The following ANKRD36 variants were observed in gnomAD, a reference collection of about 807,000 sequenced individuals.
The protein encoded by ANKRD36 is ankyrin repeat domain 36, also known as ankyrin repeat domain-containing protein 36A.
ANKRD36 carries 179 observed loss-of-function variants against 278.1 expected under a neutral mutation model. The observed-to-expected ratio is 0.64, with a 90% CI of 0.57 to 0.73. The LOEUF is 0.73. Among genes scored for constraint, ANKRD36 ranks in the 30% least tolerant of loss-of-function variants. The pLI, the probability that ANKRD36 is intolerant of heterozygous loss-of-function variation, is 0.00. For synonymous variants in ANKRD36, 320 were observed against 641.1 expected (o/e 0.50, Z 7.57); for missense variants, 1,159 against 1,956.7 (o/e 0.59, Z 7.69).
At chr2:97,156,463 A>T (rs2047470569) in intron 15 of ANKRD36, among the ~76,000 whole-genome samples, 3 of 130,942 alleles carry the variant, frequency 2.3e-5, no homozygotes. Context: ...GAGTGAGAAT[A>T]TGCGGTGTTT....
chr2:97,192,827 T>G, intron 36 of ANKRD36, 31 bp from the exon 37 acceptor site: 1 of 1,593,090 alleles, frequency 6.3e-7, no homozygotes, highest in Non-Finnish European at 8.6e-7. Flanking sequence ...TAGTTACATA[T>G]GAGTGATTAT....
In ANKRD36 at chr2:97,189,995, GACTTT is replaced by G. The variant is rs1201967406; in HGVS notation, c.2245+710_2245+714del. ...AGGCATCAGAGATACATGTTTTGTT[GACTTT>G]ACTTATAAAAATGAGATAAAGTTGA... On this transcript the variant is annotated intron_variant, in intron 34 of 75. Coordinates refer to ENST00000420699, the MANE Select transcript of ANKRD36 (RefSeq NM_001354587.1). 3.6e-5 allele frequency among the ~76,000 whole-genome samples: 3 copies of G among 83,900 alleles called. 1 individual carries two copies. The highest frequency in any genetic ancestry group is 2.3e-4 in the East Asian group (1 of 4,328). The allele number at this position is 83,900 out of a possible 152,430, so 55.0% of individuals were successfully genotyped here.
At chr2:97,206,761 G>A (rs1349915878) in intron 52 of ANKRD36, among the ~76,000 whole-genome samples, 1 of 151,374 alleles carries the variant, frequency 6.6e-6, no homozygotes, top group Non-Finnish European at 1.5e-5. Flanking sequence ...TCCTAGAATT[G>A]GCATAAAAAC....
intron 69 of ANKRD36, among the ~76,000 whole-genome samples, chr2:97,242,801 GAAGAA>G (rs1243433227): frequency 8.8e-6 from 1 of 113,626 alleles, no homozygotes; most frequent in African/African-American, 3.3e-5. Context: ...TAATTACTGT[GAAGAA>G]AAGATAATTT....
chr2:97,128,023 A>G (rs1482739272), intron 6 of ANKRD36, among the ~76,000 whole-genome samples: 1 of 151,988 alleles, frequency 6.6e-6, no homozygotes, highest in African/African-American at 2.4e-5. Flanking sequence ...AACATTAGTG[A>G]GGAGAGAGAA....
chr2:97,122,995 T>C lies in ANKRD36; in HGVS notation c.593+2T>C, dbSNP rs559966737. On this transcript the variant is annotated splice_donor_variant, in intron 4 of 75. Coordinates refer to ENST00000420699, the MANE Select transcript of ANKRD36 (RefSeq NM_001354587.1). LOFTEE classifies it high-confidence loss of function. ...AAATGCCATTGATTATCTTGGCAGG[T>C]ACAGACCTTAGTTCTTATTGTGTCG... 3.5e-5 allele frequency: 54 copies of C among 1,534,452 alleles called. 2 individuals carry two copies. The Admixed American group carries it at 1.0e-3, about 30-fold the overall frequency.
chr2:97,192,735 A>T, intron 36 of ANKRD36, 123 bp from the exon 37 acceptor site: 1 of 1,337,130 alleles, frequency 7.5e-7, no homozygotes, highest in Non-Finnish European at 1.0e-6. Context: ...CTAAAAGTAG[A>T]AGCCATCAAA....
chr2:97,206,847 C>T (rs987782056), intron 52 of ANKRD36, among the ~76,000 whole-genome samples: 1 of 151,418 alleles, frequency 6.6e-6, no homozygotes, highest in African/African-American at 2.4e-5. Context: ...GTATAGAAAT[C>T]AGACAAACTT....
chr2:97,120,487 A>C, intron 3 of ANKRD36, among the ~76,000 whole-genome samples: 1 of 146,326 alleles, frequency 6.8e-6, no homozygotes, highest in African/African-American at 2.5e-5. Context: ...ATTAGGTTAC[A>C]ATATAGAAAC....
intron 15 of ANKRD36, among the ~76,000 whole-genome samples, chr2:97,155,157 T>A (rs1290998202): frequency 2.9e-5 from 4 of 139,206 alleles, no homozygotes; most frequent in African/African-American, 9.8e-5. Flanking sequence ...TCAGATGACT[T>A]ATTATGGGAA....
At position 97,211,743 on chromosome 2, in the gene ANKRD36, T is replaced by C. The variant is rs1411269614; in HGVS notation, c.3469+2T>C. The C allele has an allele frequency of 2.5e-6, 4 of 1,573,324 alleles. No homozygotes were observed. The highest frequency in any genetic ancestry group is 3.4e-6 in the Non-Finnish European group (4 of 1,159,918). On this transcript the variant is annotated splice_donor_variant, in intron 58 of 75. Coordinates refer to ENST00000420699, the MANE Select transcript of ANKRD36 (RefSeq NM_001354587.1). LOFTEE classifies it high-confidence loss of function. ...AGGATGAACAAATATCTGGGACAGG[T>C]AATTTTGCAAACACATTTAATATGA...
intron 58 of ANKRD36, among the ~76,000 whole-genome samples, chr2:97,212,264 A>G (rs1477044844): frequency 6.6e-6 from 1 of 151,888 alleles, no homozygotes; most frequent in African/African-American, 2.4e-5. Context: ...CTGCTGAGGA[A>G]ACCTCAGTGA....
chr2:97,123,068 A>G, intron 4 of ANKRD36, 75 bp downstream of exon 4: 1 of 1,173,166 alleles, frequency 8.5e-7, no homozygotes, highest in Non-Finnish European at 1.2e-6. Context: ...CCCTCAAGTC[A>G]CAAATATTAC....
chr2:97,181,673 A>G lies in ANKRD36; in HGVS notation c.1764+47A>G, dbSNP rs769969039. 6 of 1,605,318 alleles carry G rather than the reference A, an allele frequency of 3.7e-6. No individual in the cohort carries two copies. The East Asian group carries it at 8.9e-5, about 24-fold the overall frequency. ...TGTTGAACTATTAACTGTATAGTCT[A>G]TGAAACCTACTTTACATATTGATTA... On this transcript the variant is annotated intron_variant, in intron 25 of 75. Transcript: ENST00000420699.
chr2:97,178,384 C>T (rs1198516155), intron 22 of ANKRD36, among the ~76,000 whole-genome samples: 2 of 151,688 alleles, frequency 1.3e-5, no homozygotes, highest in African/African-American at 2.4e-5. Flanking sequence ...CACACGCATG[C>T]TTATTACGGC....
intron 6 of ANKRD36, among the ~76,000 whole-genome samples, chr2:97,133,292 A>G (rs916649148): frequency 2.0e-5 from 3 of 152,010 alleles, no homozygotes; most frequent in African/African-American, 4.8e-5. Context: ...CGTCAGTTGC[A>G]ACTTAATATG....
rs139035585 is a variant in ANKRD36, at chr2:97,206,209, C to A, written c.3163+74C>A. The A allele has an allele frequency of 1.1e-4, 158 of 1,398,788 alleles. 1 individual carries two copies. The East Asian group carries it at 3.8e-3, about 34-fold the overall frequency. The allele number at this position is 1,398,788 out of a possible 1,614,324, so 86.6% of individuals were successfully genotyped here. A position where few individuals can be genotyped will look rare whatever the true frequency, so the allele number is the denominator to read the frequency against. ...AAGTTCTCTTCCCCAAGTAAATCAG[C>A]GGGGGGCTCATCGAAGCTGCACTTT... On this transcript the variant is annotated intron_variant, in intron 52 of 75. Coordinates refer to ENST00000420699, the MANE Select transcript of ANKRD36 (RefSeq NM_001354587.1).
intron 46 of ANKRD36, 135 bp downstream of exon 46, chr2:97,200,660 T>C (rs1265825083): frequency 7.1e-7 from 1 of 1,410,804 alleles, no homozygotes; most frequent in Non-Finnish European, 9.5e-7. Flanking sequence ...TTCTAACAAG[T>C]TCTTGGGTTA....
chr2:97,256,038 CT>C (rs2076159303), intron 75 of ANKRD36, among the ~76,000 whole-genome samples: 1 of 137,886 alleles, frequency 7.3e-6, no homozygotes, highest in Non-Finnish European at 1.5e-5. Context: ...TGGTCCTATG[CT>C]TTTCTTTCAT....
Sources: gnomAD v4.1 joint callset for allele counts (sites outside exome capture counted in the v4.1 genomes callset) on GRCh38, gnomAD v4.1.1 for gene constraint, MANE v1.5 for transcripts, NCBI Gene and HGNC (gene_info 2026-07-23, HGNC 2026-07-21) for gene names.